NALF1: variants seen among roughly 807,000 people sequenced by gnomAD.
NALF1 encodes NALCN channel auxiliary factor 1.
Under a neutral mutation model 48.4 loss-of-function variants are expected in NALF1, and 3 were observed. That is an observed-to-expected ratio of 0.06 (90% CI 0.03 to 0.16). The LOEUF is 0.16. Among genes scored for constraint, NALF1 ranks in the 10% least tolerant of loss-of-function variants. NALF1 has a pLI of 1.00. For missense variants in NALF1, 526 were observed against 571.5 expected, an observed-to-expected ratio of 0.92 and a Z score of 0.81; for synonymous variants, 262 against 245.7, an observed-to-expected ratio of 1.07 and a Z score of -0.62.
chr13:107,252,623 T>C (rs1880725977), intron 1 of NALF1, among the ~76,000 whole-genome samples: 1 of 152,126 alleles, frequency 6.6e-6, no homozygotes, highest in Non-Finnish European at 1.5e-5. Flanking sequence ...TACTGTATTC[T>C]AATTCCTTGC....
intron 1 of NALF1, among the ~76,000 whole-genome samples, chr13:107,449,122 T>C (rs1884699772): frequency 6.6e-6 from 1 of 152,262 alleles, no homozygotes; most frequent in South Asian, 2.1e-4. Flanking sequence ...TGGGCACCTA[T>C]AATCCCAGCT....
At chr13:107,546,297 T>G (rs1014086954) in intron 1 of NALF1, among the ~76,000 whole-genome samples, 2 of 152,146 alleles carry the variant, frequency 1.3e-5, no homozygotes, top group Admixed American at 6.6e-5. Flanking sequence ...GCATTTGTCC[T>G]CAAGGCAGGA....
intron 1 of NALF1, among the ~76,000 whole-genome samples, chr13:107,487,571 A>T (rs1459181773): frequency 6.6e-6 from 1 of 152,194 alleles, no homozygotes; most frequent in Non-Finnish European, 1.5e-5. Context: ...TACCTACAAG[A>T]AACAAATTTT....
At chr13:107,286,445 C>G (rs2138877771) in intron 1 of NALF1, among the ~76,000 whole-genome samples, 1 of 151,798 alleles carries the variant, frequency 6.6e-6, no homozygotes, top group East Asian at 1.9e-4. Context: ...TCAATCTGGG[C>G]AACATAATGA....
intron 1 of NALF1, among the ~76,000 whole-genome samples, chr13:107,676,734 CCCA>C (rs1196025939): frequency 6.6e-6 from 1 of 151,346 alleles, no homozygotes; most frequent in Admixed American, 6.6e-5. Flanking sequence ...ATGTATATAC[CCCA>C]CATTTGACAT....
intron 1 of NALF1, among the ~76,000 whole-genome samples, chr13:107,569,434 C>T (rs2476781): frequency 0.7 from 106,280 of 151,188 alleles, 37,809 homozygotes; most frequent in East Asian, 0.8. Flanking sequence ...ATGGCGCCAC[C>T]GCACTCCAGC....
chr13:107,591,842 G>A lies in NALF1; in HGVS notation c.915+273840C>T, dbSNP rs140694814. ...ACATTTTCCCTCAACAGTCAACATA[G>A]ACAAAGAAGGACTCTTATTTCTAAT... On this transcript the variant is annotated intron_variant, in intron 1 of 2. Transcript: ENST00000375915. Among the ~76,000 whole-genome samples the A allele has an allele frequency of 1.4e-4, 21 of 152,040 alleles. No homozygotes were observed. In the East Asian group the frequency reaches 3.7e-3, roughly 27 times the overall value.
chr13:107,499,922 G>A (rs1231800285), intron 1 of NALF1, among the ~76,000 whole-genome samples: 1 of 151,816 alleles, frequency 6.6e-6, no homozygotes, highest in Non-Finnish European at 1.5e-5. Context: ...GTTTCTCTGA[G>A]GGAACTCATT....
intron 1 of NALF1, among the ~76,000 whole-genome samples, chr13:107,739,953 A>C (rs1178522394): frequency 6.6e-6 from 1 of 152,208 alleles, no homozygotes; most frequent in Non-Finnish European, 1.5e-5. Context: ...AGATGGGACC[A>C]TCTAGTTACA....
At chr13:107,333,578 G>A (rs552315318) in intron 1 of NALF1, among the ~76,000 whole-genome samples, 38 of 152,296 alleles carry the variant, frequency 2.5e-4, no homozygotes, top group Non-Finnish European at 5.4e-4. Flanking sequence ...GATGTGGGGG[G>A]CAGGTACGAG....
At chr13:107,224,144 G>A (rs1353907273) in intron 1 of NALF1, among the ~76,000 whole-genome samples, 2 of 151,842 alleles carry the variant, frequency 1.3e-5, no homozygotes, top group Non-Finnish European at 2.9e-5. Flanking sequence ...AACATTGGAA[G>A]GTGCAGCTTT....
intron 1 of NALF1, among the ~76,000 whole-genome samples, chr13:107,551,141 T>C (rs1203669459): frequency 6.6e-6 from 1 of 152,162 alleles, no homozygotes; most frequent in Non-Finnish European, 1.5e-5. Flanking sequence ...CTGAAGTACA[T>C]GTGCAGAATC....
intron 1 of NALF1, among the ~76,000 whole-genome samples, chr13:107,534,582 A>C (rs1876746279): frequency 6.6e-6 from 1 of 152,166 alleles, no homozygotes; most frequent in Admixed American, 6.5e-5. Flanking sequence ...CTTAAGTATT[A>C]AGCCTGGAAT....
At chr13:107,346,858 A>G (rs1450972819) in intron 1 of NALF1, among the ~76,000 whole-genome samples, 8 of 152,168 alleles carry the variant, frequency 5.3e-5, no homozygotes, top group African/African-American at 1.9e-4. Flanking sequence ...TAAACAGATG[A>G]TTTTTAATAT....
At chr13:107,413,936 A>G (rs566782653) in intron 1 of NALF1, among the ~76,000 whole-genome samples, 14 of 152,082 alleles carry the variant, frequency 9.2e-5, no homozygotes, top group Admixed American at 3.9e-4. Context: ...ATAGGCATGC[A>G]CCACCACGCC....
chr13:107,432,146 G>A (rs721452), intron 1 of NALF1, among the ~76,000 whole-genome samples: 14 of 151,916 alleles, frequency 9.2e-5, no homozygotes, highest in Admixed American at 2.6e-4. Flanking sequence ...GGTGAAGGGG[G>A]AGCAGGCATC....
intron 1 of NALF1, among the ~76,000 whole-genome samples, chr13:107,701,610 CA>C (rs943252595): frequency 1.3e-5 from 2 of 151,758 alleles, no homozygotes; most frequent in East Asian, 1.9e-4. Context: ...AGATGTGGGT[CA>C]AAAAACACAA....
intron 1 of NALF1, among the ~76,000 whole-genome samples, chr13:107,246,548 C>T (rs9520340): frequency 6.6e-6 from 1 of 152,052 alleles, no homozygotes; most frequent in African/African-American, 2.4e-5. Flanking sequence ...AGAGGCCACA[C>T]AGCATTCTCC....
intron 1 of NALF1, among the ~76,000 whole-genome samples, chr13:107,372,166 T>C (rs186501394): frequency 1.5e-3 from 222 of 152,362 alleles, no homozygotes; most frequent in African/African-American, 4.5e-3. Flanking sequence ...CTAAAGTCCC[T>C]GTTTCTTTCG....
Sources: gnomAD v4.1 joint callset for allele counts (sites outside exome capture counted in the v4.1 genomes callset) on GRCh38, gnomAD v4.1.1 for gene constraint, MANE v1.5 for transcripts, NCBI Gene and HGNC (gene_info 2026-07-23, HGNC 2026-07-21) for gene names.